The following MAML2 variants were observed in gnomAD, a reference collection of about 807,000 sequenced individuals.
The protein encoded by MAML2 is mastermind like transcriptional coactivator 2, also known as mastermind-like protein 2.
MAML2 carries 22 observed loss-of-function variants against 96.1 expected under a neutral mutation model. The ratio of observed to expected loss-of-function variants is 0.23; its 90% CI spans 0.16 to 0.33. MAML2 has a LOEUF of 0.33. Among genes scored for constraint, MAML2 ranks in the 10% least tolerant of loss-of-function variants. The pLI is 1.00. For synonymous variants in MAML2, 561 were observed against 521.3 expected, an observed-to-expected ratio of 1.08 and a Z score of -1.04; for missense variants, 1,367 against 1,392.4, an observed-to-expected ratio of 0.98 and a Z score of 0.29.
At chr11:96,180,246 C>A (rs190166312) in intron 1 of MAML2, among the ~76,000 whole-genome samples, 35 of 152,250 alleles carry the variant, frequency 2.3e-4, no homozygotes, top group Admixed American at 7.8e-4. Flanking sequence ...GCTCTTCTGG[C>A]GATGTGATTT....
intron 1 of MAML2, among the ~76,000 whole-genome samples, chr11:96,172,123 T>C (rs1035286055): frequency 1.3e-5 from 2 of 152,238 alleles, no homozygotes; most frequent in African/African-American, 2.4e-5. Flanking sequence ...TGTACACTTA[T>C]GTATCCAAAA....
rs1591009302 is a variant in MAML2, at chr11:96,093,454, T to C, written c.577A>G (p.Asn193Asp). Residue 193 changes from asparagine (N) to aspartate (D), a missense_variant, in exon 2 of 5, where the codon AAT becomes GAT. Coordinates refer to ENST00000524717, the MANE Select transcript of MAML2 (RefSeq NM_032427.4). Reference protein sequence around the residue: ...NLSPANSKRPNGFVDNSFLDI... With the variant: ...NLSPANSKRPDGFVDNSFLDI... Reference sequence around the variant, plus strand: ...AGAAATGAGTTGTCCACAAAGCCATTGGGTCGCTTGCTGTTGGCAGGAGAT... The same window carrying C: ...AGAAATGAGTTGTCCACAAAGCCATCGGGTCGCTTGCTGTTGGCAGGAGAT... 1 of 1,613,998 alleles carries C rather than the reference T, an allele frequency of 6.2e-7. No homozygotes were observed. The highest frequency in any genetic ancestry group is 2.2e-5 in the East Asian group (1 of 44,890).
chr11:96,324,431 T>C (rs1337273175), intron 1 of MAML2, among the ~76,000 whole-genome samples: 1 of 152,232 alleles, frequency 6.6e-6, no homozygotes, highest in Non-Finnish European at 1.5e-5. Flanking sequence ...AGATCAGTAT[T>C]TCACATTTGG....
chr11:96,279,051 A>G (rs1254952127), intron 1 of MAML2, among the ~76,000 whole-genome samples: 1 of 152,226 alleles, frequency 6.6e-6, no homozygotes. Context: ...GGAGGAATCC[A>G]TGAGAACTCA....
intron 1 of MAML2, among the ~76,000 whole-genome samples, chr11:96,124,002 G>A (rs545352390): frequency 1.3e-5 from 2 of 151,416 alleles, no homozygotes; most frequent in Admixed American, 6.6e-5. Flanking sequence ...CCCGGGAGGC[G>A]GAGGTTGCAG....
chr11:96,284,466 T>C lies in MAML2; in HGVS notation c.513+56917A>G, dbSNP rs1326135561. Among the ~76,000 whole-genome samples the C allele has an allele frequency of 3.3e-5, 5 of 152,206 alleles. No individual in the cohort carries two copies. In the East Asian group the frequency reaches 9.6e-4, roughly 29 times the overall value. On this transcript the variant is annotated intron_variant, in intron 1 of 4. Transcript: ENST00000524717. ...TCTTTCCAAGTTAACAATAGTTTCTTCTCATTGGTTCTCAACACTGAATTG... is the reference window on the plus strand; with the variant it reads ...TCTTTCCAAGTTAACAATAGTTTCTCCTCATTGGTTCTCAACACTGAATTG...
chr11:96,331,518 C>A (rs1863854225), intron 1 of MAML2, among the ~76,000 whole-genome samples: 1 of 151,776 alleles, frequency 6.6e-6, no homozygotes, highest in African/African-American at 2.4e-5. Context: ...GCTTTAAGGC[C>A]AGGCGCAGTG....
chr11:96,099,990 G>A (rs1054292862), intron 1 of MAML2, among the ~76,000 whole-genome samples: 1 of 152,150 alleles, frequency 6.6e-6, no homozygotes, highest in Non-Finnish European at 1.5e-5. Context: ...GTGAAGCCCT[G>A]AGAACCGGAA....
intron 1 of MAML2, among the ~76,000 whole-genome samples, chr11:96,259,748 C>T (rs564022417): frequency 5.3e-5 from 8 of 152,314 alleles, no homozygotes; most frequent in African/African-American, 1.9e-4. Context: ...AGGGAATTGT[C>T]ATAAAACCAG....
intron 3 of MAML2, among the ~76,000 whole-genome samples, chr11:95,988,113 A>ATGTGTGTGTGTGTGTGTG (rs141507951): frequency 2.1e-5 from 3 of 145,380 alleles, no homozygotes; most frequent in African/African-American, 7.6e-5. Flanking sequence ...TGAAGACAGG[A>ATGTGTGTGTGTGTGTGTG]TGTGTGTGTG....
intron 1 of MAML2, among the ~76,000 whole-genome samples, chr11:96,139,890 C>T (rs1000197984): frequency 2.0e-5 from 3 of 152,178 alleles, no homozygotes; most frequent in African/African-American, 4.8e-5. Context: ...ATCTACTCTC[C>T]GTGATGCAAT....
chr11:96,149,457 C>T (rs553756338), intron 1 of MAML2, among the ~76,000 whole-genome samples: 44 of 138,522 alleles, frequency 3.2e-4, no homozygotes, highest in Admixed American at 3.2e-3. Flanking sequence ...TTCAGCCAGG[C>T]GCAGTGGCTC....
chr11:96,000,005 T>A (rs1858056868), intron 2 of MAML2, among the ~76,000 whole-genome samples: 1 of 152,206 alleles, frequency 6.6e-6, no homozygotes. Flanking sequence ...CATTTATTTA[T>A]CTCTGTGACT....
At chr11:96,305,496 T>G (rs1356044235) in intron 1 of MAML2, among the ~76,000 whole-genome samples, 2 of 152,192 alleles carry the variant, frequency 1.3e-5, no homozygotes, top group African/African-American at 4.8e-5. Flanking sequence ...CTCAATTTTC[T>G]TGTGAACATA....
At position 96,341,861 on chromosome 11, in the gene MAML2, C is replaced by A; in HGVS notation, c.35G>T (p.Gly12Val). The A allele has an allele frequency of 6.5e-7, 1 of 1,536,244 alleles. No individual in the cohort carries two copies. Among genetic ancestry groups the A allele is most frequent in the East Asian group, 2.4e-5 (1 of 41,292 alleles). Residue 12 changes from glycine (G) to valine (V), a missense_variant, in exon 1 of 5, where the codon GGA becomes GTA. By Grantham distance (109) the Gly-to-Val change is moderately radical (BLOSUM62 -3). Transcript: ENST00000524717. ...CGCCCCAGAGGCCCCCCCTAGCCCT[C>A]CTGCGGGGGCCTGCGGGGGCGCTGT... is the stretch of plus-strand genomic sequence containing the variant. Reference protein sequence around the residue: ...GDTAPPQAPAGGLGGASGAGL... With the variant: ...GDTAPPQAPAVGLGGASGAGL...
At chr11:96,130,318 A>G (rs758355957) in intron 1 of MAML2, among the ~76,000 whole-genome samples, 6 of 152,238 alleles carry the variant, frequency 3.9e-5, no homozygotes, top group Admixed American at 1.3e-4. Flanking sequence ...TAGTGAAATC[A>G]TAACATGGTT....
intron 2 of MAML2, among the ~76,000 whole-genome samples, chr11:96,041,506 AGGAAGGAAG>A (rs138218841): frequency 0.29 from 41,831 of 142,598 alleles, 6,403 homozygotes; most frequent in East Asian, 0.58. Context: ...AAGGAAGGAA[AGGAAGGAAG>A]GGAAGGAAGG....
intron 1 of MAML2, among the ~76,000 whole-genome samples, chr11:96,320,487 T>C (rs1206669970): frequency 6.6e-6 from 1 of 152,214 alleles, no homozygotes; most frequent in African/African-American, 2.4e-5. Context: ...TGGCAGAACA[T>C]CCACTCTCAT....
At chr11:96,245,453 G>A (rs1862497585) in intron 1 of MAML2, among the ~76,000 whole-genome samples, 1 of 151,946 alleles carries the variant, frequency 6.6e-6, no homozygotes, top group South Asian at 2.1e-4. Flanking sequence ...CATATCTATA[G>A]GCCTCAAATT....
Sources: allele counts gnomAD v4.1 joint callset (sites outside exome capture counted in the v4.1 genomes callset), GRCh38; gene constraint gnomAD v4.1.1; transcripts MANE v1.5; gene names NCBI Gene and HGNC (gene_info 2026-07-23, HGNC 2026-07-21).